AMZ2: variants seen among roughly 807,000 people sequenced by gnomAD.
AMZ2 encodes the protein archaemetzincin-2.
AMZ2 carries 26 observed loss-of-function variants against 36.7 expected under a neutral mutation model. The ratio of observed to expected loss-of-function variants is 0.71; its 90% CI spans 0.52 to 0.98. The LOEUF is 0.98. Ranked by LOEUF, AMZ2 falls within the 50% of genes least tolerant of loss-of-function variation. The pLI is 0.00. For synonymous variants in AMZ2, 144 were observed against 149.1 expected, an observed-to-expected ratio of 0.97 and a Z score of 0.25; for missense variants, 394 against 430.5, an observed-to-expected ratio of 0.92 and a Z score of 0.75.
intron 1 of AMZ2, among the ~76,000 whole-genome samples, chr17:68,218,529 TC>T (rs1555727854): frequency 1.3e-5 from 2 of 152,214 alleles, no homozygotes; most frequent in African/African-American, 4.8e-5. Context: ...CTTTTCATTT[TC>T]CAAATGAACT....
chr17:68,249,897 C>T, intron 1 of AMZ2: 3 of 368,844 alleles, frequency 8.1e-6, no homozygotes, highest in East Asian at 6.2e-5. Flanking sequence ...TCCTCCTATC[C>T]CAAAGTGCTG....
intron 1 of AMZ2, chr17:68,207,449 ATC>A (rs1568334859): frequency 6.6e-6 from 1 of 152,106 alleles, no homozygotes; most frequent in African/African-American, 2.4e-5. Context: ...TTAAATTAGA[ATC>A]TGTTTTTAAA....
At chr17:68,234,929 C>T (rs2073752031) in intron 1 of AMZ2, among the ~76,000 whole-genome samples, 1 of 151,936 alleles carries the variant, frequency 6.6e-6, no homozygotes, top group Non-Finnish European at 1.5e-5. Context: ...GCAGGAGAAT[C>T]GCTTGAACCG....
chr17:68,253,762 T>TA (rs1305580205), intron 4 of AMZ2, among the ~76,000 whole-genome samples: 1 of 151,264 alleles, frequency 6.6e-6, no homozygotes, highest in Non-Finnish European at 1.5e-5. Context: ...TCATGTGATT[T>TA]TTTTTTTTTT....
chr17:68,231,388 C>T (rs1403295631), intron 1 of AMZ2, among the ~76,000 whole-genome samples: 6 of 150,638 alleles, frequency 4.0e-5, no homozygotes, highest in Non-Finnish European at 2.9e-5. Flanking sequence ...TTTGACCAGA[C>T]ATCACTCTCT....
upstream of AMZ2, chr17:68,247,541 C>G (rs2074081565): frequency 2.5e-6 from 2 of 807,344 alleles, no homozygotes; most frequent in Non-Finnish European, 3.0e-6. Context: ...CCCACACTTG[C>G]GCTTCTGGGT....
At chr17:68,210,878 G>T (rs1245959773) in intron 1 of AMZ2, among the ~76,000 whole-genome samples, 2 of 149,294 alleles carry the variant, frequency 1.3e-5, no homozygotes, top group African/African-American at 5.0e-5. Context: ...AGCCCAAGGA[G>T]GTTGAGGCTG....
At chr17:68,217,572 T>G (rs1465331953) in intron 1 of AMZ2, among the ~76,000 whole-genome samples, 4 of 152,230 alleles carry the variant, frequency 2.6e-5, no homozygotes, top group Non-Finnish European at 5.9e-5. Flanking sequence ...TTTTACATCT[T>G]TTATGAAAAT....
chr17:68,223,780 ATCT>A (rs1555729142), intron 1 of AMZ2, among the ~76,000 whole-genome samples: 1 of 151,858 alleles, frequency 6.6e-6, no homozygotes, highest in African/African-American at 2.4e-5. Flanking sequence ...CAGTGGTGTG[ATCT>A]TCGCTCACTG....
chr17:68,256,786 G>C, intron 6 of AMZ2, 28 bp from the exon 7 acceptor site: 1 of 1,604,920 alleles, frequency 6.2e-7, no homozygotes, highest in Non-Finnish European at 8.5e-7. Context: ...GTGGTTTGTT[G>C]AAGTGCGCAT....
At chr17:68,243,952 G>A (rs11658645), upstream of AMZ2, among the ~76,000 whole-genome samples, 24,148 of 152,102 alleles carry the variant, frequency 0.16, 2,002 homozygotes, top group African/African-American at 0.18. Flanking sequence ...TATATCTTCT[G>A]GCTATAAAGA....
intron 1 of AMZ2, among the ~76,000 whole-genome samples, chr17:68,211,804 A>ATATGTATG (rs1568340243): frequency 1.7e-4 from 23 of 137,276 alleles, no homozygotes; most frequent in African/African-American, 4.7e-4. Flanking sequence ...ATATGTGTAT[A>ATATGTATG]TGTATATATG....
Position 68,235,177 on chromosome 17 carries a change from C to T in AMZ2, c.-66-13463C>T, listed in dbSNP as rs2073756831. The stretch of plus-strand genomic sequence containing the variant: ...AACTTGTGACCAACACATCCAACCA[C>T]GAGGATATATCACAAGTACTTGTCT... On this transcript the variant is annotated intron_variant, in intron 1 of 7. Coordinates refer to the AMZ2 transcript ENST00000674770. The surrounding 1 kb of genome is among the most constrained non-coding windows in gnomAD (Gnocchi z 4.2). 6.6e-6 allele frequency among the ~76,000 whole-genome samples: 1 copy of T among 152,130 alleles called. No individual in the cohort carries two copies. Among genetic ancestry groups the T allele is most frequent in the Admixed American group, 6.5e-5 (1 of 15,282 alleles).
chr17:68,241,188 A>G (rs1471137334), intron 1 of AMZ2, among the ~76,000 whole-genome samples: 1 of 152,218 alleles, frequency 6.6e-6, no homozygotes, highest in Non-Finnish European at 1.5e-5. Flanking sequence ...GAAGCATTAA[A>G]AAACAAAGAA....
At chr17:68,245,919 T>G, upstream of AMZ2, among the ~76,000 whole-genome samples, 1 of 151,982 alleles carries the variant, frequency 6.6e-6, no homozygotes, top group East Asian at 1.9e-4. Flanking sequence ...ACAACTAAGC[T>G]AAAGAAGCCA....
intron 1 of AMZ2, among the ~76,000 whole-genome samples, chr17:68,228,489 T>C (rs2144585150): frequency 6.6e-6 from 1 of 152,286 alleles, no homozygotes; most frequent in Admixed American, 6.5e-5. Context: ...GCTCTCTCCA[T>C]CCTTCTGTCC....
At chr17:68,236,458 A>G (rs1336705336) in intron 1 of AMZ2, among the ~76,000 whole-genome samples, 1 of 152,028 alleles carries the variant, frequency 6.6e-6, no homozygotes, top group Admixed American at 6.6e-5. Context: ...AAAAAAATAA[A>G]GCTAGTAAAT....
intron 1 of AMZ2, among the ~76,000 whole-genome samples, chr17:68,208,314 T>G (rs12951483): frequency 0.13 from 19,063 of 152,230 alleles, 1,347 homozygotes; most frequent in Non-Finnish European, 0.16. Context: ...TTTATGTCTA[T>G]CTAAGGGATT....
At position 68,207,933 on chromosome 17, in the gene AMZ2, G is replaced by A. The variant is rs547446997; in HGVS notation, c.-67+1695G>A. Among the ~76,000 whole-genome samples, 16 of 137,010 alleles carry A rather than the reference G, an allele frequency of 1.2e-4. No individual in the cohort carries two copies. In the South Asian group the frequency reaches 3.1e-3, roughly 27 times the overall value. The allele number at this position is 137,010 out of a possible 152,430, so 89.9% of individuals were successfully genotyped here. On this transcript the variant is annotated intron_variant, in intron 1 of 7. Transcript: ENST00000674770. ...GTGAGTTCCCAGTGGGTGTGGGCTC[G>A]GTGGGCACGCACTTGGAGCAGCCGG... is the stretch of plus-strand genomic sequence containing the variant.
Sources: allele counts gnomAD v4.1 joint callset (sites outside exome capture counted in the v4.1 genomes callset), GRCh38; gene constraint gnomAD v4.1.1; non-coding constraint Gnocchi (gnomAD v3.1); transcripts MANE v1.5; gene names NCBI Gene and HGNC (gene_info 2026-07-23, HGNC 2026-07-21).